The following ERBB4 variants were observed in gnomAD, a reference collection of about 807,000 sequenced individuals.
ERBB4 encodes receptor tyrosine-protein kinase erbB-4.
Under a neutral mutation model 158.0 loss-of-function variants are expected in ERBB4, and 42 were observed. The ratio of observed to expected loss-of-function variants is 0.27; its 90% CI spans 0.21 to 0.34. ERBB4 has a LOEUF of 0.34. ERBB4 is among the 10% of genes least tolerant of loss of function. ERBB4 has a pLI of 1.00. For missense variants in ERBB4, 1,333 were observed against 1,624.1 expected (o/e 0.82, Z 3.08); for synonymous variants, 583 against 558.7 (o/e 1.04, Z -0.61).
intron 1 of ERBB4, among the ~76,000 whole-genome samples, chr2:212,246,744 G>C (rs1162959868): frequency 6.6e-6 from 1 of 152,064 alleles, no homozygotes; most frequent in African/African-American, 2.4e-5. Flanking sequence ...TACTCAAGAA[G>C]AGAAAAAAAT....
At chr2:211,560,165 A>T (rs1330744733) in intron 20 of ERBB4, among the ~76,000 whole-genome samples, 2 of 151,994 alleles carry the variant, frequency 1.3e-5, no homozygotes, top group Non-Finnish European at 1.5e-5. Flanking sequence ...ACAATGTCAT[A>T]TAAATGATAT....
intron 14 of ERBB4, among the ~76,000 whole-genome samples, chr2:211,671,354 T>C (rs2071831821): frequency 6.6e-6 from 1 of 152,130 alleles, no homozygotes. Flanking sequence ...TAAATAATAT[T>C]TGCTGAATAA....
chr2:212,224,370 T>C (rs939224), intron 1 of ERBB4, among the ~76,000 whole-genome samples: 73,154 of 151,604 alleles, frequency 0.48, 18,054 homozygotes, highest in East Asian at 0.76. Flanking sequence ...GAGTTTGACA[T>C]CTAGAAATAA....
intron 19 of ERBB4, among the ~76,000 whole-genome samples, chr2:211,587,846 T>C (rs1009210641): frequency 6.6e-6 from 1 of 152,194 alleles, no homozygotes; most frequent in Non-Finnish European, 1.5e-5. Context: ...AGCCTTGACC[T>C]GGGATTATAT....
chr2:212,424,135 G>A (rs1206324679), intron 1 of ERBB4, among the ~76,000 whole-genome samples: 1 of 151,762 alleles, frequency 6.6e-6, no homozygotes, highest in Non-Finnish European at 1.5e-5. Context: ...AGTCTCCTTG[G>A]GGCTAATACA....
rs1159365821 is a variant in ERBB4 at position 212,538,724 on chromosome 2, G to A, written c.-194C>T. 2.4e-6 allele frequency: 1 copy of A among 418,278 alleles called. No homozygotes were observed. The highest frequency in any genetic ancestry group is 4.1e-6 in the Non-Finnish European group (1 of 243,458). The allele number at this position is 418,278 out of a possible 1,614,324, so 25.9% of individuals were successfully genotyped here. ...CGCGGGTCCAGGGCCGGGGCCCGAG[G>A]AGGGGGCGAGTGTGAGCGCGTGTGT... is the stretch of plus-strand genomic sequence containing the variant. On this transcript the variant is annotated 5_prime_UTR_variant, in exon 1 of 28. Coordinates refer to ENST00000342788, the MANE Select transcript of ERBB4 (RefSeq NM_005235.3).
At chr2:211,802,355 A>C (rs536107882) in intron 3 of ERBB4, among the ~76,000 whole-genome samples, 2 of 152,300 alleles carry the variant, frequency 1.3e-5, no homozygotes, top group South Asian at 4.1e-4. Context: ...CACCATTGTC[A>C]CATACATATC....
rs184602072 is a variant in ERBB4 at position 212,527,591 on chromosome 2, T to C, written c.82+10858A>G. On this transcript the variant is annotated intron_variant, in intron 1 of 27. Transcript: ENST00000342788. ...CTTCAGCTTCAGAACCCCTCTATTGTACTGGTACTTCACAAGACCCTGTAC... is the reference window on the plus strand; with the variant it reads ...CTTCAGCTTCAGAACCCCTCTATTGCACTGGTACTTCACAAGACCCTGTAC... Among the ~76,000 whole-genome samples, 7 of 152,280 alleles carry C rather than the reference T, an allele frequency of 4.6e-5. No individual in the cohort carries two copies. In the East Asian group the frequency reaches 1.3e-3, roughly 29 times the overall value.
intron 1 of ERBB4, among the ~76,000 whole-genome samples, chr2:212,519,633 G>A (rs1299616465): frequency 6.6e-6 from 1 of 151,824 alleles, no homozygotes; most frequent in Non-Finnish European, 1.5e-5. Context: ...TGTTTCATTT[G>A]GGGCAACCTG....
At chr2:211,733,621 A>T (rs2106159354) in intron 5 of ERBB4, among the ~76,000 whole-genome samples, 1 of 151,372 alleles carries the variant, frequency 6.6e-6, no homozygotes, top group South Asian at 2.1e-4. Context: ...TTTTTAAATC[A>T]CTGTGCATTA....
At chr2:211,526,417 T>C (rs967530042) in intron 20 of ERBB4, among the ~76,000 whole-genome samples, 3 of 152,142 alleles carry the variant, frequency 2.0e-5, no homozygotes, top group African/African-American at 7.2e-5. Context: ...AACAAGCACA[T>C]TACTGCCCTT....
chr2:212,158,409 T>A (rs2081104655), intron 1 of ERBB4, among the ~76,000 whole-genome samples: 2 of 151,974 alleles, frequency 1.3e-5, no homozygotes, highest in Non-Finnish European at 2.9e-5. Flanking sequence ...AACCACGTTC[T>A]TATAAGACCT....
intron 20 of ERBB4, among the ~76,000 whole-genome samples, chr2:211,445,139 C>T (rs2064079488): frequency 6.6e-6 from 1 of 152,062 alleles, no homozygotes; most frequent in Non-Finnish European, 1.5e-5. Context: ...ATTGTGATTA[C>T]CTAACATGAC....
At chr2:212,024,342 G>C (rs111633613) in intron 2 of ERBB4, among the ~76,000 whole-genome samples, 2,833 of 151,672 alleles carry the variant, frequency 0.019, 47 homozygotes, top group Middle Eastern at 0.034. Flanking sequence ...AAAAAACAAA[G>C]AGCTTTGTTA....
chr2:212,267,609 T>TTTTTTTTTTC (rs2085190931), intron 1 of ERBB4, among the ~76,000 whole-genome samples: 2 of 150,572 alleles, frequency 1.3e-5, no homozygotes, highest in African/African-American at 4.9e-5. Context: ...TTTTTTTTTT[T>TTTTTTTTTTC]TTATTATACT....
intron 2 of ERBB4, among the ~76,000 whole-genome samples, chr2:211,987,330 C>CAAAAAAAAAAAAAAAA (rs564412801): frequency 2.5e-4 from 14 of 56,192 alleles, no homozygotes; most frequent in Admixed American, 4.9e-4. Context: ...CAAGAAAAGA[C>CAAAAAAAAAAAAAAAA]AAAAAAAAAA....
chr2:211,945,019 G>A (rs2080640840), intron 3 of ERBB4, among the ~76,000 whole-genome samples: 1 of 152,050 alleles, frequency 6.6e-6, no homozygotes, highest in African/African-American at 2.4e-5. Context: ...TAAAAATGTT[G>A]TTTTAAAAAC....
chr2:211,599,832 A>G (rs903285828), intron 19 of ERBB4, among the ~76,000 whole-genome samples: 2 of 152,202 alleles, frequency 1.3e-5, no homozygotes, highest in African/African-American at 4.8e-5. Context: ...TCAACTTATG[A>G]GAAAAATCAA....
At chr2:211,527,880 C>G (rs1268302775) in intron 20 of ERBB4, among the ~76,000 whole-genome samples, 1 of 151,694 alleles carries the variant, frequency 6.6e-6, no homozygotes, top group Admixed American at 6.6e-5. Context: ...AAATAAAAAG[C>G]AAGAAACTAA....
Sources: gnomAD v4.1 joint callset for allele counts (sites outside exome capture counted in the v4.1 genomes callset) on GRCh38, gnomAD v4.1.1 for gene constraint, MANE v1.5 for transcripts, NCBI Gene and HGNC (gene_info 2026-07-23, HGNC 2026-07-21) for gene names.